PNLDC1: variants seen among roughly 807,000 people sequenced by gnomAD.
PNLDC1 encodes poly(A)-specific ribonuclease PNLDC1.
PNLDC1 carries 70 observed loss-of-function variants against 82.0 expected under a neutral mutation model. The ratio of observed to expected loss-of-function variants is 0.85; its 90% CI spans 0.70 to 1.04. PNLDC1 has a LOEUF of 1.04. Ranked by LOEUF, PNLDC1 falls within the 50% of genes least tolerant of loss-of-function variation. The pLI is 0.00. For missense variants in PNLDC1, 631 were observed against 661.1 expected, an observed-to-expected ratio of 0.95 and a Z score of 0.50; for synonymous variants, 280 against 249.3, an observed-to-expected ratio of 1.12 and a Z score of -1.16.
rs1290545101 is a variant in PNLDC1, at chr6:159,818,972, T to C, written c.1284T>C (p.Ser428=). The C allele has an allele frequency of 1.2e-6, 2 of 1,614,058 alleles. No individual in the cohort carries two copies. The highest frequency in any genetic ancestry group is 1.7e-5 in the Admixed American group (1 of 60,006). Reference sequence around the variant, plus strand: ...ATTTTTCTGGTCCAGATTATCCCAGTATCCGACCTCCCATCCTCATCCTCA... The same window carrying C: ...ATTTTTCTGGTCCAGATTATCCCAGCATCCGACCTCCCATCCTCATCCTCA... ...KINFSGPDYP[S]IRPPILILSV... is the part of the protein sequence containing the mutation. The change falls in exon 17 of 19, where the codon AGT becomes AGC. Residue 428 remains serine, a synonymous_variant. Coordinates refer to ENST00000392167, the MANE Select transcript of PNLDC1 (RefSeq NM_001271862.2).
At chr6:159,803,463 C>A in intron 4 of PNLDC1, 153 bp downstream of exon 4, 1 of 657,280 alleles carries the variant, frequency 1.5e-6, no homozygotes, top group South Asian at 1.9e-5. Context: ...CTGCCCTCTG[C>A]GGATTCCAGC....
intron 7 of PNLDC1, 24 bp downstream of exon 7, chr6:159,806,107 A>G (rs761772416): frequency 6.4e-7 from 1 of 1,569,180 alleles, no homozygotes; most frequent in Non-Finnish European, 8.8e-7. Context: ...GTTCCTCCCA[A>G]CGCAGGAGCA....
chr6:159,803,429 C>T, intron 4 of PNLDC1, 119 bp downstream of exon 4: 1 of 871,984 alleles, frequency 1.1e-6, no homozygotes. Context: ...CGTATTCTCT[C>T]CTGTGTCTGT....
At chr6:159,818,874 T>G (rs1020539535) in intron 16 of PNLDC1, 72 bp from the exon 17 acceptor site, 10 of 1,521,462 alleles carry the variant, frequency 6.6e-6, no homozygotes, top group Non-Finnish European at 8.1e-6. Context: ...CTAGTTTCTT[T>G]TGAGATCTTC....
chr6:159,808,345 T>G (rs1024988284), intron 7 of PNLDC1, among the ~76,000 whole-genome samples: 2 of 152,190 alleles, frequency 1.3e-5, no homozygotes, highest in Non-Finnish European at 2.9e-5. Flanking sequence ...TCTCGCTAAG[T>G]TTTTGTTTTA....
chr6:159,819,436 G>C lies in PNLDC1; in HGVS notation c.1532+84G>C. 1 of 1,219,502 alleles carries C rather than the reference G, an allele frequency of 8.2e-7. No homozygotes were observed. Among genetic ancestry groups the C allele is most frequent in the Admixed American group, 2.1e-5 (1 of 48,282 alleles). The allele number at this position is 1,219,502 out of a possible 1,614,324, so 75.5% of individuals were successfully genotyped here. A position where few individuals can be genotyped will look rare whatever the true frequency, so the allele number is the denominator to read the frequency against. On this transcript the variant is annotated intron_variant, in intron 18 of 18. Coordinates refer to ENST00000392167, the MANE Select transcript of PNLDC1 (RefSeq NM_001271862.2). This position sits in a 1 kb window ranked among gnomAD's most constrained non-coding sequence, Gnocchi z 4.6. ...AGCATCCCAGCATGGTCTGACTCGA[G>C]CACAGCTCACTTGCTGGTGTGTGTT...
intron 6 of PNLDC1, 52 bp from the exon 7 acceptor site, chr6:159,805,931 G>A (rs945479264): frequency 1.2e-5 from 16 of 1,315,252 alleles, no homozygotes; most frequent in African/African-American, 8.7e-5. Context: ...ATAGTCTTGC[G>A]GTTCTGAAGT....
Position 159,811,781 on chromosome 6 carries a change from T to C in PNLDC1, c.934T>C (p.Trp312Arg). 2 of 1,606,122 alleles carry C rather than the reference T, an allele frequency of 1.2e-6. No homozygotes were observed. Among genetic ancestry groups the C allele is most frequent in the Non-Finnish European group, 1.7e-6 (2 of 1,172,794 alleles). ...TACCAAGAGTGTAACAAAGGATATC[T>C]GGAAGGTAATGAATAGAACTGCTTT... is the stretch of plus-strand genomic sequence containing the variant. Reference protein sequence around the residue: ...IDTKSVTKDIWKEMNFPRVSN... With the variant: ...IDTKSVTKDIRKEMNFPRVSN... Residue 312 changes from tryptophan (W) to arginine (R), a missense_variant, in exon 11 of 19, where the codon TGG becomes CGG. Trp to Arg is a moderately radical substitution (Grantham distance 101, BLOSUM62 -3). Coordinates refer to ENST00000392167, the MANE Select transcript of PNLDC1 (RefSeq NM_001271862.2).
intron 3 of PNLDC1, among the ~76,000 whole-genome samples, chr6:159,802,300 G>A (rs953456247): frequency 4.0e-5 from 6 of 151,836 alleles, no homozygotes; most frequent in Non-Finnish European, 5.9e-5. Flanking sequence ...GCCCTCTCCC[G>A]CACCATTGGG....
intron 7 of PNLDC1, among the ~76,000 whole-genome samples, 165 bp downstream of exon 7, chr6:159,806,248 AAGTTCTGACCTGC>A (rs1279070578): frequency 6.6e-6 from 1 of 152,200 alleles, no homozygotes; most frequent in African/African-American, 2.4e-5. Context: ...TTTGTGGTTA[AAGTTCTGACCTGC>A]ATTCACACGT....
intron 1 of PNLDC1, 151 bp downstream of exon 1, chr6:159,800,534 G>T: frequency 7.6e-7 from 1 of 1,317,458 alleles, no homozygotes. Context: ...CCCCGGGGCG[G>T]TGGGACTTTG....
At chr6:159,809,202 G>A in intron 9 of PNLDC1, 44 bp downstream of exon 9, 1 of 1,599,462 alleles carries the variant, frequency 6.3e-7, no homozygotes, top group Non-Finnish European at 8.5e-7. Flanking sequence ...GCAGTCTTTA[G>A]TATTTCTGGT....
rs375725511 is a variant in PNLDC1, at chr6:159,803,291, A to G, written c.229A>G (p.Ile77Val). 12 of 1,613,922 alleles carry G rather than the reference A, an allele frequency of 7.4e-6. No individual in the cohort carries two copies. The African/African-American group carries it at 1.1e-4, about 14-fold the overall frequency. The change falls in exon 4 of 19, where the codon ATT becomes GTT. Residue 77 changes from isoleucine to valine, a missense_variant. Physicochemically the swap from Ile to Val is conservative, Grantham distance 29. Coordinates refer to ENST00000392167, the MANE Select transcript of PNLDC1 (RefSeq NM_001271862.2). ...TCCAGGATTGTCTGTGTTTTCCGCT[A>G]TTGAAGGAGAGGCAAACAAGTATGT... is the stretch of plus-strand genomic sequence containing the variant. ...CQIGLSVFSA[I>V]EGEANKYIAH...
At chr6:159,813,450 G>A in intron 11 of PNLDC1, 151 bp from the exon 12 acceptor site, 2 of 685,320 alleles carry the variant, frequency 2.9e-6, no homozygotes, top group South Asian at 3.4e-5. Context: ...CCTAACTAAG[G>A]AATAAGGATG....
upstream of PNLDC1, chr6:159,800,104 CTG>C (rs1781177165): frequency 9.5e-6 from 5 of 524,194 alleles, no homozygotes; most frequent in Non-Finnish European, 1.7e-5. Context: ...AATCAAACCT[CTG>C]TAGCAAATCG....
chr6:159,800,506 G>T, intron 1 of PNLDC1, 123 bp downstream of exon 1: 1 of 1,314,552 alleles, frequency 7.6e-7, no homozygotes, highest in Middle Eastern at 2.7e-4. Flanking sequence ...GGAAGGACAG[G>T]GGGGCTTCCT....
intron 8 of PNLDC1, 98 bp from the exon 9 acceptor site, chr6:159,808,917 G>GT (rs1236982174): frequency 1.3e-6 from 2 of 1,588,030 alleles, no homozygotes; most frequent in African/African-American, 2.7e-5. Context: ...CACGCTGCTA[G>GT]TTTTTCCCCC....
Position 159,804,478 on chromosome 6 carries a change from G to A in PNLDC1, c.373-71G>A, listed in dbSNP as rs76241323. 5,924 of 1,051,908 alleles carry A rather than the reference G, an allele frequency of 5.6e-3. 28 individuals carry two copies. The highest frequency in any genetic ancestry group is 7.5e-3 in the Non-Finnish European group (5,135 of 686,740). 65.2% of individuals were successfully genotyped at this position (1,051,908 alleles called of 1,614,324 possible). ...TCCTTTCCCCTTTCTACCTGTCCTC[G>A]TGAAATCAGGCACAGAGGATCCCTC... On this transcript the variant is annotated intron_variant, in intron 5 of 18. Transcript: ENST00000392167.
At chr6:159,811,373 T>TA (rs1199841688) in intron 10 of PNLDC1, among the ~76,000 whole-genome samples, 2 of 152,234 alleles carry the variant, frequency 1.3e-5, no homozygotes, top group African/African-American at 4.8e-5. Flanking sequence ...TTACAAATGA[T>TA]ATCATGTCTG....
Sources: gnomAD v4.1 joint callset for allele counts (sites outside exome capture counted in the v4.1 genomes callset) on GRCh38, gnomAD v4.1.1 for gene constraint, Gnocchi (gnomAD v3.1) non-coding constraint, MANE v1.5 for transcripts, NCBI Gene and HGNC (gene_info 2026-07-23, HGNC 2026-07-21) for gene names.